The following SCFD2 variants were observed in gnomAD, a reference collection of about 807,000 sequenced individuals.
SCFD2 encodes sec1 family domain-containing protein 2.
Under a neutral mutation model 58.9 loss-of-function variants are expected in SCFD2, and 54 were observed. The observed-to-expected ratio is 0.92, with a 90% CI of 0.74 to 1.15. The LOEUF is 1.15. SCFD2 is among the 50% of genes most tolerant of loss of function. The pLI, the probability that SCFD2 is intolerant of heterozygous loss-of-function variation, is 0.00. For missense variants in SCFD2, 805 were observed against 836.6 expected, an observed-to-expected ratio of 0.96 and a Z score of 0.47; for synonymous variants, 321 against 335.9, an observed-to-expected ratio of 0.96 and a Z score of 0.49.
chr4:53,233,099 C>T (rs952686332), intron 4 of SCFD2, among the ~76,000 whole-genome samples: 8 of 152,108 alleles, frequency 5.3e-5, no homozygotes, highest in African/African-American at 1.7e-4. Flanking sequence ...GCACATTAGA[C>T]CTAAATGCCC....
At chr4:52,959,398 G>C (rs1720792205) in intron 5 of SCFD2, among the ~76,000 whole-genome samples, 1 of 152,088 alleles carries the variant, frequency 6.6e-6, no homozygotes, top group Admixed American at 6.6e-5. Context: ...AATCTCTGGG[G>C]ATAAGGCCCA....
chr4:53,177,509 G>A (rs1727377575), intron 4 of SCFD2, among the ~76,000 whole-genome samples: 1 of 152,164 alleles, frequency 6.6e-6, no homozygotes, highest in Non-Finnish European at 1.5e-5. Context: ...AAAACAATAA[G>A]AAATGAAAAG....
At chr4:53,152,547 G>C (rs913162275) in intron 4 of SCFD2, among the ~76,000 whole-genome samples, 1 of 152,084 alleles carries the variant, frequency 6.6e-6, no homozygotes, top group South Asian at 2.1e-4. Context: ...CTTAGGTATA[G>C]GGGTTTCAAT....
At chr4:53,350,014 A>G (rs1734168001) in intron 2 of SCFD2, among the ~76,000 whole-genome samples, 1 of 152,208 alleles carries the variant, frequency 6.6e-6, no homozygotes, top group Non-Finnish European at 1.5e-5. Context: ...GGGGACGCTA[A>G]GAGAATCCAC....
At chr4:53,312,557 T>C (rs1270306725) in intron 3 of SCFD2, among the ~76,000 whole-genome samples, 8 of 152,250 alleles carry the variant, frequency 5.3e-5, no homozygotes, top group Admixed American at 5.2e-4. Flanking sequence ...ATCATCATTA[T>C]GTTCCTTGCA....
chr4:53,071,351 T>C (rs1723809458), intron 5 of SCFD2, among the ~76,000 whole-genome samples: 1 of 152,120 alleles, frequency 6.6e-6, no homozygotes, highest in African/African-American at 2.4e-5. Flanking sequence ...GAGCCTAATA[T>C]TAGGTGATAC....
intron 4 of SCFD2, among the ~76,000 whole-genome samples, chr4:53,213,770 A>T (rs941116969): frequency 2.6e-5 from 4 of 151,964 alleles, no homozygotes; most frequent in African/African-American, 9.7e-5. Flanking sequence ...CTCGTCATTT[A>T]TATTAGTTAT....
chr4:53,193,206 T>C (rs1727963954), intron 4 of SCFD2, among the ~76,000 whole-genome samples: 1 of 152,156 alleles, frequency 6.6e-6, no homozygotes, highest in South Asian at 2.1e-4. Flanking sequence ...AAAATTCATC[T>C]GTAAAGGAAA....
intron 7 of SCFD2, among the ~76,000 whole-genome samples, chr4:52,892,999 T>C (rs1437628698): frequency 2.0e-5 from 3 of 152,228 alleles, no homozygotes; most frequent in Non-Finnish European, 4.4e-5. Flanking sequence ...GAACCCTATT[T>C]CATAGCATGG....
intron 5 of SCFD2, among the ~76,000 whole-genome samples, chr4:52,953,280 A>G (rs1210567062): frequency 6.6e-6 from 1 of 152,218 alleles, no homozygotes. Context: ...AGAATGTGTA[A>G]CTAGGTTAGT....
At chr4:53,054,779 C>CT (rs1375695884) in intron 5 of SCFD2, among the ~76,000 whole-genome samples, 1 of 152,038 alleles carries the variant, frequency 6.6e-6, no homozygotes, top group African/African-American at 2.4e-5. Context: ...TCAGCCTACC[C>CT]AGTAGCTGGG....
intron 3 of SCFD2, among the ~76,000 whole-genome samples, chr4:53,298,031 C>G (rs553772308): frequency 6.6e-6 from 1 of 152,138 alleles, no homozygotes; most frequent in Non-Finnish European, 1.5e-5. Context: ...ACACAGAAGA[C>G]GGGTGATTTC....
intron 5 of SCFD2, among the ~76,000 whole-genome samples, chr4:52,974,370 C>T (rs1236439468): frequency 2.0e-5 from 3 of 152,108 alleles, no homozygotes; most frequent in Non-Finnish European, 2.9e-5. Flanking sequence ...TTCTTATACA[C>T]CAATAACAGA....
At chr4:53,213,739 T>G (rs1231094899) in intron 4 of SCFD2, among the ~76,000 whole-genome samples, 1 of 152,114 alleles carries the variant, frequency 6.6e-6, no homozygotes, top group African/African-American at 2.4e-5. Flanking sequence ...ATGTGCCAAG[T>G]TGATGTGCTG....
At chr4:53,251,884 A>T (rs36184966) in intron 4 of SCFD2, among the ~76,000 whole-genome samples, 7 of 149,630 alleles carry the variant, frequency 4.7e-5, no homozygotes, top group Non-Finnish European at 7.5e-5. Flanking sequence ...TTCTGGCCAG[A>T]GCAATTAGGC....
chr4:53,116,837 GA>G (rs768718442), intron 5 of SCFD2, among the ~76,000 whole-genome samples: 28 of 152,218 alleles, frequency 1.8e-4, no homozygotes, highest in Non-Finnish European at 2.9e-4. Context: ...GGAGATGGTA[GA>G]AGGCAGATGG....
At chr4:52,924,095 A>AT (rs770224487) in intron 5 of SCFD2, among the ~76,000 whole-genome samples, 12 of 152,182 alleles carry the variant, frequency 7.9e-5, no homozygotes, top group Non-Finnish European at 1.5e-4. Flanking sequence ...AAATAGACTA[A>AT]TTTTTTTATT....
intron 3 of SCFD2, among the ~76,000 whole-genome samples, chr4:53,276,570 T>C (rs1450136627): frequency 1.3e-5 from 2 of 152,128 alleles, no homozygotes; most frequent in African/African-American, 4.8e-5. Flanking sequence ...CGAGGTACTA[T>C]GCCTAGTACC....
intron 3 of SCFD2, among the ~76,000 whole-genome samples, chr4:53,311,722 GC>G (rs555789921): frequency 2.0e-5 from 3 of 151,654 alleles, no homozygotes; most frequent in African/African-American, 7.3e-5. Context: ...TGGAACCTCT[GC>G]CTTCTGGGTT....
Sources: gnomAD v4.1 joint callset for allele counts (sites outside exome capture counted in the v4.1 genomes callset) on GRCh38, gnomAD v4.1.1 for gene constraint, MANE v1.5 for transcripts, NCBI Gene and HGNC (gene_info 2026-07-23, HGNC 2026-07-21) for gene names.